TRIO: variants seen among roughly 807,000 people sequenced by gnomAD.
TRIO encodes triple functional domain protein.
A neutral mutation model predicts 351.9 loss-of-function variants in TRIO; 58 were observed. The ratio of observed to expected loss-of-function variants is 0.16; its 90% CI spans 0.13 to 0.21. The LOEUF is 0.21. Ranked by LOEUF, TRIO falls within the 10% of genes least tolerant of loss-of-function variation. TRIO has a pLI of 1.00. For synonymous variants in TRIO, 1,758 were observed against 1,595.7 expected, an observed-to-expected ratio of 1.10 and a Z score of -2.42; for missense variants, 3,201 against 4,027.8, an observed-to-expected ratio of 0.79 and a Z score of 5.56.
intron 1 of TRIO, among the ~76,000 whole-genome samples, chr5:14,205,030 G>T (rs972185649): frequency 2.6e-5 from 4 of 152,184 alleles, no homozygotes; most frequent in African/African-American, 9.7e-5. Flanking sequence ...CCTGCTCTCT[G>T]TTTCCACCGT....
intron 1 of TRIO, among the ~76,000 whole-genome samples, chr5:14,205,538 T>A (rs374676566): frequency 1.3e-5 from 2 of 152,224 alleles, no homozygotes; most frequent in African/African-American, 4.8e-5. Flanking sequence ...ATAGGAATTA[T>A]GCAGCTGTAG....
At position 14,490,969 on chromosome 5, in the gene TRIO, C is replaced by T. The variant is rs553335694; in HGVS notation, c.7633-1598C>T. The T allele has an allele frequency of 5.6e-5, 22 of 390,636 alleles. 1 individual carries two copies. Among genetic ancestry groups the T allele is most frequent in the South Asian group, 3.2e-4 (17 of 53,288 alleles). 24.2% of individuals were successfully genotyped at this position (390,636 alleles called of 1,614,324 possible). A position where few individuals can be genotyped will look rare whatever the true frequency, so the allele number is the denominator to read the frequency against. Reference sequence around the variant, plus strand: ...AAGCCAAAGCCTTCCCTGTACAGCACGCTTTTTTGCTGAAGAGCCACAGGC... The same window carrying T: ...AAGCCAAAGCCTTCCCTGTACAGCATGCTTTTTTGCTGAAGAGCCACAGGC... On this transcript the variant is annotated intron_variant, in intron 48 of 56. Transcript: ENST00000344204.
intron 1 of TRIO, among the ~76,000 whole-genome samples, chr5:14,185,396 C>T (rs1227834133): frequency 6.6e-6 from 1 of 152,178 alleles, no homozygotes; most frequent in African/African-American, 2.4e-5. Context: ...GCACCCTTTG[C>T]ATAGCTGTGA....
At chr5:14,258,969 G>C (rs1057218012) in intron 1 of TRIO, among the ~76,000 whole-genome samples, 1 of 152,202 alleles carries the variant, frequency 6.6e-6, no homozygotes, top group Non-Finnish European at 1.5e-5. Context: ...TGCTGCCTTC[G>C]AGTTCCTAAG....
At chr5:14,307,735 G>A (rs1229750012) in intron 8 of TRIO, among the ~76,000 whole-genome samples, 2 of 152,194 alleles carry the variant, frequency 1.3e-5, no homozygotes, top group Non-Finnish European at 2.9e-5. Flanking sequence ...TTTCTCATCA[G>A]ACTTCTCACA....
chr5:14,253,386 C>T (rs1581453175), intron 1 of TRIO, among the ~76,000 whole-genome samples: 1 of 152,202 alleles, frequency 6.6e-6, no homozygotes. Context: ...AGACATCTCT[C>T]GCCCTGTCAC....
chr5:14,396,032 C>T (rs1260567161), intron 28 of TRIO, among the ~76,000 whole-genome samples: 1 of 115,640 alleles, frequency 8.6e-6, no homozygotes, highest in Non-Finnish European at 1.6e-5. Flanking sequence ...GGCGACAGAG[C>T]AAGACTCCGC....
intron 36 of TRIO, among the ~76,000 whole-genome samples, chr5:14,464,881 A>G (rs1037489354): frequency 6.6e-5 from 10 of 152,010 alleles, no homozygotes; most frequent in African/African-American, 2.2e-4. Context: ...CCCCTCCCCC[A>G]GATTTCCTGT....
intron 1 of TRIO, among the ~76,000 whole-genome samples, chr5:14,268,202 G>C (rs374210464): frequency 6.6e-6 from 1 of 152,202 alleles, no homozygotes; most frequent in Non-Finnish European, 1.5e-5. Context: ...AGGAAATTGA[G>C]ACATTTATTG....
rs3804226 is a variant in TRIO at position 14,428,930 on chromosome 5, C to T, written c.5203+8909C>T. On this transcript the variant is annotated intron_variant, in intron 34 of 56. Transcript: ENST00000344204. Reference sequence around the variant, plus strand: ...CACAGGTACCAGGCCGCCACGTCCTCTCCTGCCTCTCACTCTCTGGAGACT... The same window carrying T: ...CACAGGTACCAGGCCGCCACGTCCTTTCCTGCCTCTCACTCTCTGGAGACT... Among the ~76,000 whole-genome samples the T allele has an allele frequency of 1.7e-4, 26 of 152,318 alleles. 1 individual carries two copies. The East Asian group carries it at 4.6e-3, about 27-fold the overall frequency.
chr5:14,370,739 C>T (rs916038861), intron 18 of TRIO, among the ~76,000 whole-genome samples: 6 of 152,212 alleles, frequency 3.9e-5, no homozygotes, highest in East Asian at 1.9e-4. Context: ...ACTACGTCAA[C>T]AGCTTTTTAA....
chr5:14,409,032 AC>A (rs1748958167), intron 33 of TRIO, among the ~76,000 whole-genome samples: 1 of 151,776 alleles, frequency 6.6e-6, no homozygotes, highest in African/African-American at 2.4e-5. Flanking sequence ...TCTGGAAATG[AC>A]CCCTCTATCC....
chr5:14,413,451 G>C (rs1168367155), intron 33 of TRIO, among the ~76,000 whole-genome samples: 2 of 152,218 alleles, frequency 1.3e-5, no homozygotes, highest in Non-Finnish European at 2.9e-5. Flanking sequence ...CCTATGATAG[G>C]CATTCAGCGC....
intron 1 of TRIO, among the ~76,000 whole-genome samples, chr5:14,208,278 C>T (rs1394844916): frequency 6.6e-6 from 1 of 152,174 alleles, no homozygotes; most frequent in African/African-American, 2.4e-5. Flanking sequence ...AATGGATAAA[C>T]AGGATGTGGT....
At chr5:14,343,132 C>T (rs1742097250) in intron 11 of TRIO, among the ~76,000 whole-genome samples, 2 of 151,170 alleles carry the variant, frequency 1.3e-5, no homozygotes, top group Admixed American at 1.3e-4. Context: ...AAGGAGGTCC[C>T]ATGCATCTTC....
chr5:14,204,084 A>T (rs368246513), intron 1 of TRIO, among the ~76,000 whole-genome samples: 3 of 152,324 alleles, frequency 2.0e-5, no homozygotes, highest in African/African-American at 7.2e-5. Flanking sequence ...GAGCCTGTCA[A>T]TAGCCTAGAC....
In TRIO at chr5:14,405,912, C is replaced by T. The variant is rs1748667690; in HGVS notation, c.4781C>T (p.Thr1594Met). 3.7e-6 allele frequency: 6 copies of T among 1,613,846 alleles called. No individual in the cohort carries two copies. Among genetic ancestry groups the T allele is most frequent in the African/African-American group, 1.3e-5 (1 of 74,950 alleles). ...KHIREVIQERTIHLKGALKEP... is the reference protein window; with the variant it reads ...KHIREVIQERMIHLKGALKEP... ...ATCCGCGAAGTCATCCAGGAGCGGA[C>T]GATCCACCTGAAGGGAGCCCTGAAG... The change falls in exon 32 of 57, where the codon ACG (threonine) becomes ATG (methionine). Residue 1594 changes from threonine to methionine, a missense_variant. Transcript: ENST00000344204.
intron 33 of TRIO, among the ~76,000 whole-genome samples, chr5:14,416,168 G>A (rs1285672719): frequency 1.4e-5 from 2 of 147,916 alleles, no homozygotes; most frequent in South Asian, 2.2e-4. Context: ...CAAGACCTCC[G>A]TCAGACGTAA....
At chr5:14,212,734 T>G (rs1192336537) in intron 1 of TRIO, among the ~76,000 whole-genome samples, 1 of 152,204 alleles carries the variant, frequency 6.6e-6, no homozygotes, top group Non-Finnish European at 1.5e-5. Flanking sequence ...GTCTACTGAT[T>G]GATTATAGCC....
Sources: allele counts gnomAD v4.1 joint callset (sites outside exome capture counted in the v4.1 genomes callset), GRCh38; gene constraint gnomAD v4.1.1; transcripts MANE v1.5; gene names NCBI Gene and HGNC (gene_info 2026-07-23, HGNC 2026-07-21).